NSD1: variants seen among roughly 807,000 people sequenced by gnomAD.
The protein encoded by NSD1 is histone-lysine N-methyltransferase, H3 lysine-36 specific.
In NSD1, 26 loss-of-function variants were observed where a neutral mutation model predicts 242.7. The observed-to-expected ratio is 0.11, with a 90% CI of 0.08 to 0.15. The LOEUF is 0.15. NSD1 is among the 10% of genes least tolerant of loss of function. NSD1 has a pLI of 1.00. For synonymous variants in NSD1, 1,106 were observed against 1,178.1 expected, an observed-to-expected ratio of 0.94 and a Z score of 1.25; for missense variants, 2,495 against 3,272.8, an observed-to-expected ratio of 0.76 and a Z score of 5.80.
intron 2 of NSD1, chr5:177,137,180 A>G (rs1027469087): frequency 5.6e-6 from 2 of 355,770 alleles, no homozygotes; most frequent in Non-Finnish European, 1.0e-5. Flanking sequence ...TATTGCGTCT[A>G]AATTCCAGAA....
chr5:177,259,890 A>G, intron 13 of NSD1, 99 bp from the exon 14 acceptor site: 3 of 1,354,318 alleles, frequency 2.2e-6, no homozygotes, highest in Middle Eastern at 4.8e-4. Flanking sequence ...TATTTGTGAC[A>G]TTTTTTCAGT....
intron 5 of NSD1, among the ~76,000 whole-genome samples, chr5:177,234,222 AAG>A (rs1765271646): frequency 6.6e-6 from 1 of 152,236 alleles, no homozygotes. Flanking sequence ...AATATCGACA[AAG>A]AGGCTCCCGT....
intron 2 of NSD1, among the ~76,000 whole-genome samples, chr5:177,153,207 T>G (rs1293937038): frequency 2.7e-5 from 4 of 146,152 alleles, no homozygotes; most frequent in Non-Finnish European, 1.5e-5. Context: ...TTTCTTTTTC[T>G]GTTTTTTTTT....
chr5:177,190,975 T>G (rs1308813436), intron 2 of NSD1, among the ~76,000 whole-genome samples: 1 of 139,764 alleles, frequency 7.2e-6, no homozygotes, highest in Non-Finnish European at 1.5e-5. Flanking sequence ...CCTTTTTTTT[T>G]TTTTTCTTTT....
rs1242601663 is a variant in NSD1 at position 177,173,287 on chromosome 5, G to A, written c.928-18597G>A. Among the ~76,000 whole-genome samples the A allele has an allele frequency of 2.9e-4, 19 of 65,880 alleles. No homozygotes were observed. The Admixed American group carries it at 3.6e-3, about 12-fold the overall frequency. 43.2% of individuals were successfully genotyped at this position (65,880 alleles called of 152,430 possible). ...AGCCTTGGCGAAAGAGCTAGACTCT[G>A]TCTCAAAAAAAAAAAAAAAAAAAAG... On this transcript the variant is annotated intron_variant, in intron 2 of 22. Coordinates refer to ENST00000439151, the MANE Select transcript of NSD1 (RefSeq NM_022455.5).
intron 5 of NSD1, among the ~76,000 whole-genome samples, chr5:177,222,527 G>A (rs1323873091): frequency 1.3e-5 from 2 of 152,124 alleles, no homozygotes; most frequent in South Asian, 2.1e-4. Context: ...GGTTATAGCC[G>A]TCCTTTTGGG....
Position 177,210,734 on chromosome 5 carries a change from C to T in NSD1, c.2335C>T (p.His779Tyr), listed in dbSNP as rs768239114. Residue 779 changes from histidine (H) to tyrosine (Y), a missense_variant, in exon 5 of 23, where the codon CAT becomes TAT. This residue lies in a region of NSD1 where 515 missense variants were observed against 467.0 expected (regional missense o/e 1.10). Transcript: ENST00000439151. ...KGGAANQALL[H>Y]SKSKQPKFRS... ...TGGGGCAGCAAATCAAGCTCTATTA[C>T]ATTCGAAAAGCAAACAGCCCAAGTT... 3.1e-6 allele frequency: 5 copies of T among 1,614,060 alleles called. No individual in the cohort carries two copies. Among genetic ancestry groups the T allele is most frequent in the Admixed American group, 1.7e-5 (1 of 60,000 alleles).
chr5:177,185,712 A>G (rs1437368775), intron 2 of NSD1, among the ~76,000 whole-genome samples: 1 of 104,356 alleles, frequency 9.6e-6, no homozygotes, highest in Non-Finnish European at 1.7e-5. Flanking sequence ...ATATATATAC[A>G]TTATATATTA....
chr5:177,175,012 CA>C (rs1303797780), intron 2 of NSD1, among the ~76,000 whole-genome samples: 1 of 151,346 alleles, frequency 6.6e-6, no homozygotes, highest in Non-Finnish European at 1.5e-5. Flanking sequence ...GCTAGGACTA[CA>C]GGCACCCGCC....
intron 5 of NSD1, among the ~76,000 whole-genome samples, chr5:177,234,927 C>T (rs1232447861): frequency 6.6e-6 from 1 of 152,134 alleles, no homozygotes; most frequent in Admixed American, 6.6e-5. Context: ...CAAAACACAG[C>T]ATCATAGATG....
Position 177,135,351 on chromosome 5 carries a change from A to G in NSD1, c.248A>G (p.Asn83Ser), listed in dbSNP as rs753391409. 1 of 1,612,536 alleles carries G rather than the reference A, an allele frequency of 6.2e-7. No homozygotes were observed. The highest frequency in any genetic ancestry group is 1.1e-5 in the South Asian group (1 of 91,070). ...RRLQDLASMI[N>S]VEYLNGSADG... is the part of the protein sequence containing the mutation. ...CTACAGGATTTGGCCTCCATGATCA[A>G]TGTAGAGTATTTAAATGGGTCTGCT... The change falls in exon 2 of 23, where the codon AAT becomes AGT. Residue 83 changes from asparagine (N) to serine (S), a missense_variant. Coordinates refer to ENST00000439151, the MANE Select transcript of NSD1 (RefSeq NM_022455.5).
intron 2 of NSD1, among the ~76,000 whole-genome samples, chr5:177,141,318 C>A (rs984897618): frequency 2.3e-5 from 3 of 132,140 alleles, no homozygotes; most frequent in Non-Finnish European, 3.1e-5. Flanking sequence ...CCGCGCGCAG[C>A]CTTTTTTTTT....
chr5:177,181,400 G>A (rs1197169811), intron 2 of NSD1, among the ~76,000 whole-genome samples: 1 of 150,598 alleles, frequency 6.6e-6, no homozygotes, highest in Non-Finnish European at 1.5e-5. Flanking sequence ...AATCCATGTG[G>A]GAAACTTCAT....
chr5:177,247,015 T>C (rs1178388049), intron 10 of NSD1, among the ~76,000 whole-genome samples: 1 of 152,202 alleles, frequency 6.6e-6, no homozygotes, highest in Non-Finnish European at 1.5e-5. Context: ...GATCATCACA[T>C]CCTATGCTGT....
chr5:177,177,749 A>G (rs1030411950), intron 2 of NSD1, among the ~76,000 whole-genome samples: 5 of 152,124 alleles, frequency 3.3e-5, no homozygotes, highest in African/African-American at 1.2e-4. Context: ...CAGTGCCCAG[A>G]GTTTTCTCTC....
At chr5:177,145,277 CA>C (rs907010465) in intron 2 of NSD1, among the ~76,000 whole-genome samples, 2 of 148,614 alleles carry the variant, frequency 1.3e-5, no homozygotes, top group African/African-American at 4.9e-5. Context: ...TAACATGTAA[CA>C]AGATTTTTTT....
intron 2 of NSD1, among the ~76,000 whole-genome samples, chr5:177,159,780 TG>T (rs1353652962): frequency 6.6e-6 from 1 of 151,042 alleles, no homozygotes; most frequent in Non-Finnish European, 1.5e-5. Context: ...TTGTTAGAGA[TG>T]GGGTTTCTCC....
At chr5:177,138,848 C>T (rs576242282) in intron 2 of NSD1, among the ~76,000 whole-genome samples, 2 of 145,382 alleles carry the variant, frequency 1.4e-5, no homozygotes, top group Admixed American at 6.8e-5. Flanking sequence ...CATGTTGGCC[C>T]AGCTGGTCTC....
At chr5:177,218,720 A>T (rs1226346156) in intron 5 of NSD1, among the ~76,000 whole-genome samples, 1 of 150,912 alleles carries the variant, frequency 6.6e-6, no homozygotes, top group Non-Finnish European at 1.5e-5. Context: ...GGCGCCCCCC[A>T]CCACGCCCGG....
Sources: allele counts gnomAD v4.1 joint callset (sites outside exome capture counted in the v4.1 genomes callset), GRCh38; gene constraint gnomAD v4.1.1; regional missense constraint gnomAD v4.1.1; transcripts MANE v1.5; gene names NCBI Gene and HGNC (gene_info 2026-07-23, HGNC 2026-07-21).